IL26: variants seen among roughly 807,000 people sequenced by gnomAD.
The protein encoded by IL26 is interleukin-26.
In IL26, 23 loss-of-function variants were observed where a neutral mutation model predicts 21.7. The ratio of observed to expected loss-of-function variants is 1.06; its 90% CI spans 0.76 to 1.50. The LOEUF (loss-of-function observed/expected upper bound fraction) is 1.50. Ranked by LOEUF, IL26 falls within the 40% of genes most tolerant of loss-of-function variation. The probability of loss-of-function intolerance (pLI) is 0.00; values close to 1 mark genes in which losing one functional copy is unlikely to be tolerated. For missense variants in IL26, 204 were observed against 196.0 expected, an observed-to-expected ratio of 1.04 and a Z score of -0.24; for synonymous variants, 63 against 67.8, an observed-to-expected ratio of 0.93 and a Z score of 0.34.
At chr12:68,209,660 T>C (rs1207707912) in intron 3 of IL26, among the ~76,000 whole-genome samples, 3 of 152,284 alleles carry the variant, frequency 2.0e-5, no homozygotes, top group East Asian at 1.9e-4. Context: ...TTTTAGACTC[T>C]GGACCCTGCA....
chr12:68,217,617 T>C (rs1437264245), intron 3 of IL26, among the ~76,000 whole-genome samples: 2 of 152,180 alleles, frequency 1.3e-5, no homozygotes, highest in Admixed American at 1.3e-4. Flanking sequence ...AATTATTATT[T>C]TGTAGTGCCT....
At chr12:68,217,621 A>T (rs1868922214) in intron 3 of IL26, among the ~76,000 whole-genome samples, 1 of 152,182 alleles carries the variant, frequency 6.6e-6, no homozygotes, top group Non-Finnish European at 1.5e-5. Flanking sequence ...ATTATTTTGT[A>T]GTGCCTTATG....
chr12:68,208,247 G>C (rs1182567430), intron 3 of IL26, among the ~76,000 whole-genome samples: 1 of 152,194 alleles, frequency 6.6e-6, no homozygotes, highest in East Asian at 1.9e-4. Flanking sequence ...CTTGTGTCTT[G>C]AAAGATGAGT....
chr12:68,211,481 A>G (rs556411314), intron 3 of IL26, among the ~76,000 whole-genome samples: 1 of 152,194 alleles, frequency 6.6e-6, no homozygotes, highest in South Asian at 2.1e-4. Flanking sequence ...AGGAGCTTCC[A>G]TACTGTTTTC....
At chr12:68,209,939 A>G (rs2120437189) in intron 3 of IL26, among the ~76,000 whole-genome samples, 1 of 152,270 alleles carries the variant, frequency 6.6e-6, no homozygotes, top group African/African-American at 2.4e-5. Context: ...GGGTAAGTGA[A>G]AAACCATACA....
intron 3 of IL26, among the ~76,000 whole-genome samples, chr12:68,204,341 C>T (rs1868474053): frequency 6.6e-6 from 1 of 151,946 alleles, no homozygotes; most frequent in Non-Finnish European, 1.5e-5. Flanking sequence ...GATGGGGTTT[C>T]ACCGTGTTAG....
At chr12:68,217,415 A>G (rs746970990) in intron 3 of IL26, among the ~76,000 whole-genome samples, 5 of 152,184 alleles carry the variant, frequency 3.3e-5, no homozygotes, top group Non-Finnish European at 7.4e-5. Flanking sequence ...AAAATTAATA[A>G]TTCATTGGTC....
intron 3 of IL26, among the ~76,000 whole-genome samples, chr12:68,203,577 T>C (rs926173056): frequency 1.4e-4 from 22 of 152,208 alleles, no homozygotes; most frequent in African/African-American, 5.1e-4. Flanking sequence ...ACATTTAGTC[T>C]CTAAATGTCC....
chr12:68,202,307 G>C (rs1026129376), intron 3 of IL26, among the ~76,000 whole-genome samples: 7 of 152,304 alleles, frequency 4.6e-5, no homozygotes, highest in Middle Eastern at 3.4e-3. Context: ...TACAATTAAA[G>C]CTGTGTTAGC....
chr12:68,202,668 C>T (rs1008276580), intron 3 of IL26, among the ~76,000 whole-genome samples: 6 of 152,132 alleles, frequency 3.9e-5, no homozygotes, highest in Non-Finnish European at 7.3e-5. Context: ...AGAAACCTCC[C>T]CCATGATCCA....
intron 3 of IL26, among the ~76,000 whole-genome samples, chr12:68,213,726 C>T (rs1868797708): frequency 6.6e-6 from 1 of 152,028 alleles, no homozygotes; most frequent in Non-Finnish European, 1.5e-5. Context: ...GTTGTTATGT[C>T]TCTTTTTTCA....
At chr12:68,221,564 A>G (rs1462775786) in intron 3 of IL26, among the ~76,000 whole-genome samples, 2 of 152,234 alleles carry the variant, frequency 1.3e-5, no homozygotes, top group Non-Finnish European at 2.9e-5. Flanking sequence ...TAAAACCTAG[A>G]AATGTTCAAT....
intron 3 of IL26, among the ~76,000 whole-genome samples, chr12:68,216,532 A>T (rs1255800526): frequency 6.6e-6 from 1 of 152,246 alleles, no homozygotes; most frequent in Admixed American, 6.5e-5. Flanking sequence ...AGATGAGGCT[A>T]CTGTTATTGA....
intron 3 of IL26, among the ~76,000 whole-genome samples, chr12:68,208,079 A>T (rs963484197): frequency 6.6e-6 from 1 of 152,164 alleles, no homozygotes; most frequent in African/African-American, 2.4e-5. Context: ...CATGAAAATC[A>T]CCCCAGGGTA....
intron 3 of IL26, among the ~76,000 whole-genome samples, chr12:68,214,176 T>C (rs1227871965): frequency 6.6e-6 from 1 of 152,196 alleles, no homozygotes; most frequent in Non-Finnish European, 1.5e-5. Context: ...AGATTCCTCT[T>C]GTTGTTTATT....
At chr12:68,223,105 A>G (rs1423689428) in intron 3 of IL26, among the ~76,000 whole-genome samples, 4 of 151,914 alleles carry the variant, frequency 2.6e-5, no homozygotes, top group Non-Finnish European at 4.4e-5. Flanking sequence ...TCCCTAAATC[A>G]ATGTCTGCAG....
chr12:68,219,578 T>C (rs1868989020), intron 3 of IL26, among the ~76,000 whole-genome samples: 1 of 151,582 alleles, frequency 6.6e-6, no homozygotes, highest in South Asian at 2.1e-4. Flanking sequence ...AATAAAAAGT[T>C]AGAAAATCAC....
intron 3 of IL26, among the ~76,000 whole-genome samples, chr12:68,202,725 C>T (rs974407887): frequency 1.3e-5 from 2 of 152,132 alleles, no homozygotes; most frequent in Non-Finnish European, 2.9e-5. Flanking sequence ...GATCACAATT[C>T]AAGATGAGAT....
chr12:68,214,223 A>T (rs1368203784), intron 3 of IL26, among the ~76,000 whole-genome samples: 5 of 152,076 alleles, frequency 3.3e-5, no homozygotes, highest in Non-Finnish European at 4.4e-5. Flanking sequence ...AAGATACTTG[A>T]CATAATTATG....
Sources: allele counts gnomAD v4.1 joint callset (sites outside exome capture counted in the v4.1 genomes callset), GRCh38; gene constraint gnomAD v4.1.1; transcripts MANE v1.5; gene names NCBI Gene and HGNC (gene_info 2026-07-23, HGNC 2026-07-21).